B3GALT5: variants seen among roughly 807,000 people sequenced by gnomAD.
B3GALT5 encodes UDP-Gal:betaGlcNAc beta 1,3-galactosyltransferase, polypeptide 5.
For synonymous variants in B3GALT5, 156 were observed against 158.6 expected (o/e 0.98, Z 0.12); for missense variants, 328 against 396.6 (o/e 0.83, Z 1.47).
intron 2 of B3GALT5, among the ~76,000 whole-genome samples, chr21:39,652,539 T>G (rs1470572164): frequency 6.6e-6 from 1 of 152,224 alleles, no homozygotes; most frequent in Non-Finnish European, 1.5e-5. Context: ...AACCAGGGCC[T>G]TCTGATTCCA....
intron 1 of B3GALT5, among the ~76,000 whole-genome samples, chr21:39,615,444 A>G (rs988626418): frequency 1.3e-5 from 2 of 152,236 alleles, no homozygotes; most frequent in Non-Finnish European, 1.5e-5. Context: ...GAAAAACAAA[A>G]CAACCGGAAT....
intron 1 of B3GALT5, among the ~76,000 whole-genome samples, chr21:39,622,085 A>C (rs527830421): frequency 1.3e-5 from 2 of 151,976 alleles, no homozygotes; most frequent in Non-Finnish European, 2.9e-5. Context: ...TTGGTCTTTC[A>C]TTTTTATTTG....
intron 1 of B3GALT5, among the ~76,000 whole-genome samples, chr21:39,626,388 A>C (rs1270426997): frequency 6.6e-6 from 1 of 152,136 alleles, no homozygotes; most frequent in African/African-American, 2.4e-5. Context: ...CACTATGAAT[A>C]TGGTTGTACA....
rs1233311366 is a variant in B3GALT5 at position 39,668,822 on chromosome 21, G to A, written c.*7330G>A. 6.6e-6 allele frequency: 1 copy of A among 152,196 alleles called. No homozygotes were observed. Among genetic ancestry groups the A allele is most frequent in the Non-Finnish European group, 1.5e-5 (1 of 68,040 alleles). 9.4% of individuals were successfully genotyped at this position (152,196 alleles called of 1,614,324 possible). A position where few individuals can be genotyped will look rare whatever the true frequency, so the allele number is the denominator to read the frequency against. On this transcript the variant is annotated 3_prime_UTR_variant, in exon 4 of 4. Coordinates refer to ENST00000684187, the MANE Select transcript of B3GALT5 (RefSeq NM_001356336.2). ...CTTATCTTCTCATTGTCTCCGTTTT[G>A]TTATCTGAAGAATGGGACCATAGTA...
chr21:39,640,821 C>T (rs1020710656), intron 1 of B3GALT5, among the ~76,000 whole-genome samples: 1 of 151,978 alleles, frequency 6.6e-6, no homozygotes, highest in Non-Finnish European at 1.5e-5. Flanking sequence ...CTCACTGTAG[C>T]CTTGACCTCC....
At position 39,662,340 on chromosome 21, in the gene B3GALT5, A is replaced by G. The variant is rs983941447; in HGVS notation, c.*848A>G. 10 of 167,024 alleles carry G rather than the reference A, an allele frequency of 6.0e-5. No homozygotes were observed. The highest frequency in any genetic ancestry group is 1.2e-4 in the African/African-American group (5 of 41,402). The allele number at this position is 167,024 out of a possible 1,614,324, so 10.3% of individuals were successfully genotyped here. A position where few individuals can be genotyped will look rare whatever the true frequency, so the allele number is the denominator to read the frequency against. ...GCTGCTCTCTCATTTCATCACCCCA[A>G]CTGTCCCTTGTTTTTGATCAATGGG... On this transcript the variant is annotated 3_prime_UTR_variant, in exon 4 of 4. Coordinates refer to ENST00000684187, the MANE Select transcript of B3GALT5 (RefSeq NM_001356336.2).
chr21:39,655,585 G>A (rs1026785011), intron 2 of B3GALT5, among the ~76,000 whole-genome samples: 1 of 152,184 alleles, frequency 6.6e-6, no homozygotes, highest in Non-Finnish European at 1.5e-5. Context: ...GAGGCCAGGG[G>A]TAGGTCCAGG....
chr21:39,651,385 C>T (rs1021815051), intron 2 of B3GALT5, among the ~76,000 whole-genome samples: 6 of 152,172 alleles, frequency 3.9e-5, no homozygotes, highest in Admixed American at 1.3e-4. Context: ...CAGGCCCTCC[C>T]GCAGGCTCTG....
chr21:39,631,706 A>G (rs973593428), intron 1 of B3GALT5, among the ~76,000 whole-genome samples: 1 of 152,214 alleles, frequency 6.6e-6, no homozygotes, highest in African/African-American at 2.4e-5. Flanking sequence ...GATACGCTTA[A>G]ATATTTTCCT....
intron 2 of B3GALT5, among the ~76,000 whole-genome samples, chr21:39,654,676 T>A (rs2079425000): frequency 6.6e-6 from 1 of 152,202 alleles, no homozygotes; most frequent in South Asian, 2.1e-4. Context: ...TTCATTGTTG[T>A]CGTATTTTAA....
rs1038733277 is a variant in B3GALT5, at chr21:39,670,731, G to GA, written c.*9250dup. 106 of 142,992 alleles carry GA rather than the reference G, an allele frequency of 7.4e-4. No homozygotes were observed. Among genetic ancestry groups the GA allele is most frequent in the African/African-American group, 7.1e-4 (28 of 39,330 alleles). 8.9% of individuals were successfully genotyped at this position (142,992 alleles called of 1,614,324 possible). A position where few individuals can be genotyped will look rare whatever the true frequency, so the allele number is the denominator to read the frequency against. On this transcript the variant is annotated 3_prime_UTR_variant, in exon 4 of 4. Coordinates refer to ENST00000684187, the MANE Select transcript of B3GALT5 (RefSeq NM_001356336.2). Reference sequence around the variant, plus strand: ...GAATCCTTGATAAACAGTTCCAAAAGAAAAAAAAAAACAGGCTTTGGTGAC... The same window carrying GA: ...GAATCCTTGATAAACAGTTCCAAAAGAAAAAAAAAAAACAGGCTTTGGTGAC...
At chr21:39,639,400 T>TTCTTTCTTTCTTTCTTTC (rs1339331444) in intron 1 of B3GALT5, among the ~76,000 whole-genome samples, 1 of 57,156 alleles carries the variant, frequency 1.7e-5, no homozygotes. Context: ...CCTTCTTTCT[T>TTCTTTCTTTCTTTCTTTC]TTTCTTTCTT....
chr21:39,641,697 T>C (rs190997807), intron 1 of B3GALT5, among the ~76,000 whole-genome samples: 7 of 152,224 alleles, frequency 4.6e-5, no homozygotes, highest in Admixed American at 4.6e-4. Context: ...CTCTGAGACA[T>C]GTTTTCTAAA....
chr21:39,647,808 G>A (rs941648934), intron 2 of B3GALT5, among the ~76,000 whole-genome samples: 5 of 152,180 alleles, frequency 3.3e-5, no homozygotes, highest in Admixed American at 3.3e-4. Flanking sequence ...TCTGGGAGAA[G>A]ATGTTCTTTG....
chr21:39,628,142 G>A (rs2079173614), intron 1 of B3GALT5, among the ~76,000 whole-genome samples: 1 of 152,168 alleles, frequency 6.6e-6, no homozygotes, highest in Admixed American at 6.5e-5. Context: ...GAGAACACTA[G>A]ACATGATAGA....
At chr21:39,622,647 A>G (rs2079140025) in intron 1 of B3GALT5, among the ~76,000 whole-genome samples, 1 of 152,130 alleles carries the variant, frequency 6.6e-6, no homozygotes, top group South Asian at 2.1e-4. Flanking sequence ...GCATATAGGT[A>G]GATTTTTTCC....
chr21:39,660,456 A>C, intron 3 of B3GALT5, 104 bp from the exon 4 acceptor site: 2 of 1,012,800 alleles, frequency 2.0e-6, no homozygotes, highest in Non-Finnish European at 2.7e-6. Flanking sequence ...GAGGTTCTAG[A>C]GTTTCCAAAA....
chr21:39,646,349 G>A (rs1410451553), intron 1 of B3GALT5, 43 bp from the exon 2 acceptor site: 5 of 152,328 alleles, frequency 3.3e-5, no homozygotes, highest in Admixed American at 6.5e-5. Context: ...TGCAGTGTAC[G>A]TAAGCAAAAT....
chr21:39,639,366 C>CTTTT (rs1569212234), intron 1 of B3GALT5, among the ~76,000 whole-genome samples: 1 of 131,106 alleles, frequency 7.6e-6, no homozygotes, highest in Non-Finnish European at 1.6e-5. Context: ...TTCCTTCCTT[C>CTTTT]CTTCCTTCCT....
Sources: gnomAD v4.1 joint callset for allele counts (sites outside exome capture counted in the v4.1 genomes callset) on GRCh38, gnomAD v4.1.1 for gene constraint, MANE v1.5 for transcripts, NCBI Gene and HGNC (gene_info 2026-07-23, HGNC 2026-07-21) for gene names.